The following KCND2 variants were observed in gnomAD, a reference collection of about 807,000 sequenced individuals.
The protein encoded by KCND2 is A-type voltage-gated potassium channel KCND2.
In KCND2, 16 loss-of-function variants were observed where a neutral mutation model predicts 54.4. The ratio of observed to expected loss-of-function variants is 0.29; its 90% CI spans 0.20 to 0.45. The LOEUF is 0.45. Ranked by LOEUF, KCND2 falls within the 20% of genes least tolerant of loss-of-function variation. The pLI is 1.00. For missense variants in KCND2, 486 were observed against 824.2 expected (o/e 0.59, Z 5.02); for synonymous variants, 317 against 310.7 (o/e 1.02, Z -0.21).
chr7:120,344,606 C>T (rs2116371703), intron 1 of KCND2, among the ~76,000 whole-genome samples: 1 of 152,218 alleles, frequency 6.6e-6, no homozygotes, highest in East Asian at 1.9e-4. Flanking sequence ...ATTACTAACA[C>T]TAGAGGTAAA....
intron 1 of KCND2, among the ~76,000 whole-genome samples, chr7:120,528,715 T>A (rs959581142): frequency 1.1e-4 from 17 of 152,154 alleles, no homozygotes; most frequent in Non-Finnish European, 2.5e-4. Context: ...GGCTACAGTA[T>A]AACAAAATTT....
chr7:120,293,843 T>G (rs1400038229), intron 1 of KCND2, among the ~76,000 whole-genome samples: 1 of 151,926 alleles, frequency 6.6e-6, no homozygotes, highest in Non-Finnish European at 1.5e-5. Context: ...TAGAAGCACA[T>G]AGGGTCAACA....
intron 1 of KCND2, among the ~76,000 whole-genome samples, chr7:120,406,825 G>A (rs1389065588): frequency 6.6e-6 from 1 of 151,938 alleles, no homozygotes; most frequent in African/African-American, 2.4e-5. Context: ...AATGAGCATG[G>A]CTATATGAAG....
intron 1 of KCND2, among the ~76,000 whole-genome samples, chr7:120,334,168 A>C (rs1410785204): frequency 1.3e-5 from 2 of 152,198 alleles, no homozygotes; most frequent in Non-Finnish European, 2.9e-5. Flanking sequence ...TCTTGAATCC[A>C]TGTCAAATGA....
chr7:120,318,990 T>C (rs1352163960), intron 1 of KCND2, among the ~76,000 whole-genome samples: 7 of 152,124 alleles, frequency 4.6e-5, no homozygotes, highest in African/African-American at 1.7e-4. Context: ...TCACTTATAA[T>C]TTTGTTCTAT....
At chr7:120,661,280 T>C (rs1297944332) in intron 1 of KCND2, among the ~76,000 whole-genome samples, 1 of 152,198 alleles carries the variant, frequency 6.6e-6, no homozygotes, top group Non-Finnish European at 1.5e-5. Flanking sequence ...TAAAATATTC[T>C]AACGCATCAT....
At chr7:120,491,259 AG>A (rs1263635424) in intron 1 of KCND2, among the ~76,000 whole-genome samples, 1 of 152,144 alleles carries the variant, frequency 6.6e-6, no homozygotes, top group African/African-American at 2.4e-5. Context: ...TTGCTGGGTA[AG>A]TCCATATTCC....
intron 1 of KCND2, among the ~76,000 whole-genome samples, chr7:120,603,776 T>C (rs1485124316): frequency 6.6e-6 from 1 of 152,224 alleles, no homozygotes; most frequent in African/African-American, 2.4e-5. Context: ...TTGCAAGATA[T>C]TCAGCATAGT....
At chr7:120,663,394 T>C (rs1247250376) in intron 1 of KCND2, among the ~76,000 whole-genome samples, 1 of 152,150 alleles carries the variant, frequency 6.6e-6, no homozygotes, top group Non-Finnish European at 1.5e-5. Context: ...AATGGGATAA[T>C]TAAAAGGATG....
chr7:120,715,288 A>G (rs1054971509), intron 1 of KCND2, among the ~76,000 whole-genome samples: 2 of 152,068 alleles, frequency 1.3e-5, no homozygotes, highest in African/African-American at 2.4e-5. Flanking sequence ...TTGTGTAACC[A>G]TGTAAGGTAA....
At chr7:120,469,451 C>T (rs530469108) in intron 1 of KCND2, among the ~76,000 whole-genome samples, 1 of 152,108 alleles carries the variant, frequency 6.6e-6, no homozygotes, top group East Asian at 1.9e-4. Context: ...TGTGTTCATT[C>T]TTAGCTCCCC....
intron 1 of KCND2, among the ~76,000 whole-genome samples, chr7:120,431,412 A>C (rs978084008): frequency 1.2e-4 from 18 of 152,194 alleles, no homozygotes; most frequent in African/African-American, 4.3e-4. Context: ...GGGAGTAGTG[A>C]GTATCAGTTA....
intron 1 of KCND2, among the ~76,000 whole-genome samples, chr7:120,502,551 A>G (rs899357210): frequency 1.3e-5 from 2 of 152,098 alleles, no homozygotes; most frequent in African/African-American, 4.8e-5. Flanking sequence ...AGCAACATCC[A>G]GGAACTCAGC....
At chr7:120,408,383 A>G (rs916411162) in intron 1 of KCND2, among the ~76,000 whole-genome samples, 1 of 151,868 alleles carries the variant, frequency 6.6e-6, no homozygotes, top group African/African-American at 2.4e-5. Context: ...ATCTCGAGCC[A>G]TGGAGCAAGA....
intron 1 of KCND2, among the ~76,000 whole-genome samples, chr7:120,346,504 A>G (rs914803502): frequency 4.6e-5 from 7 of 152,226 alleles, no homozygotes; most frequent in African/African-American, 1.4e-4. Flanking sequence ...CTTTAAGTCC[A>G]TAAGCCCAGG....
chr7:120,440,653 G>A (rs544744341), intron 1 of KCND2, among the ~76,000 whole-genome samples: 2 of 151,990 alleles, frequency 1.3e-5, no homozygotes, highest in South Asian at 4.1e-4. Context: ...TCCATTTTGA[G>A]TTGATTTTTA....
At chr7:120,641,505 G>GGGGAAA (rs1562896135) in intron 1 of KCND2, among the ~76,000 whole-genome samples, 1 of 152,026 alleles carries the variant, frequency 6.6e-6, no homozygotes, top group African/African-American at 2.4e-5. Context: ...CTTCCCTCTG[G>GGGGAAA]GTACCTAGCT....
At chr7:120,395,193 T>C (rs1801136602) in intron 1 of KCND2, among the ~76,000 whole-genome samples, 1 of 152,104 alleles carries the variant, frequency 6.6e-6, no homozygotes. Flanking sequence ...CATTGTATGG[T>C]AAACTCTAAA....
chr7:120,652,789 G>A (rs1791754358), intron 1 of KCND2, among the ~76,000 whole-genome samples: 1 of 152,152 alleles, frequency 6.6e-6, no homozygotes, highest in Non-Finnish European at 1.5e-5. Context: ...TCTTTCTGCT[G>A]GAGAGGGGAA....
Sources: allele counts gnomAD v4.1 joint callset (sites outside exome capture counted in the v4.1 genomes callset), GRCh38; gene constraint gnomAD v4.1.1; transcripts MANE v1.5; gene names NCBI Gene and HGNC (gene_info 2026-07-23, HGNC 2026-07-21).